The following HDAC1 variants were observed in gnomAD, a reference collection of about 807,000 sequenced individuals.
HDAC1 encodes the protein protein deacetylase HDAC1.
HDAC1 carries 18 observed loss-of-function variants against 65.5 expected under a neutral mutation model. The ratio of observed to expected loss-of-function variants is 0.27; its 90% CI spans 0.19 to 0.41. The LOEUF is 0.41. Ranked by LOEUF, HDAC1 falls within the 10% of genes least tolerant of loss-of-function variation. The probability of loss-of-function intolerance (pLI) is 1.00; values close to 1 mark genes in which losing one functional copy is unlikely to be tolerated. For missense variants in HDAC1, 373 were observed against 625.2 expected (o/e 0.60, Z 4.30); for synonymous variants, 211 against 227.9 (o/e 0.93, Z 0.67).
intron 1 of HDAC1, 140 bp from the exon 2 acceptor site, chr1:32,302,481 T>A: frequency 1.7e-5 from 8 of 472,636 alleles, no homozygotes; most frequent in East Asian, 3.7e-5. Flanking sequence ...GGAGTTACCC[T>A]TCAAAAGGTG....
intron 3 of HDAC1, among the ~76,000 whole-genome samples, chr1:32,317,471 A>C (rs1641079957): frequency 6.6e-6 from 1 of 152,220 alleles, no homozygotes; most frequent in African/African-American, 2.4e-5. Flanking sequence ...CATATAGTAT[A>C]ACAGCACTGT....
chr1:32,311,325 G>A (rs889292981), intron 2 of HDAC1, among the ~76,000 whole-genome samples: 2 of 152,008 alleles, frequency 1.3e-5, no homozygotes, highest in Admixed American at 6.6e-5. Context: ...AAAATTAGCC[G>A]GGCGTGGTCG....
chr1:32,328,792 A>C (rs1052712842), intron 6 of HDAC1, among the ~76,000 whole-genome samples: 1 of 152,170 alleles, frequency 6.6e-6, no homozygotes, highest in African/African-American at 2.4e-5. Flanking sequence ...CAAGGTAGAA[A>C]TCTTGTGCTA....
chr1:32,331,733 G>T lies in HDAC1; in HGVS notation c.1146G>T (p.Gln382His). 1 of 1,614,146 alleles carries T rather than the reference G, an allele frequency of 6.2e-7. No homozygotes were observed. The highest frequency in any genetic ancestry group is 8.5e-7 in the Non-Finnish European group (1 of 1,180,010). Residue 382 changes from glutamine (Q) to histidine (H), a missense_variant, in exon 11 of 14, where the codon CAG (glutamine) becomes CAT (histidine). Around this residue, in one of 4 missense-constraint regions of HDAC1, gnomAD observed 126 missense variants for 126.2 expected, o/e 1.00. Transcript: ENST00000373548. This position sits in a 1 kb window ranked among gnomAD's most constrained non-coding sequence, Gnocchi z 4.2. The stretch of plus-strand genomic sequence containing the variant: ...CGCACGCACCTGGGGTCCAAATGCA[G>T]GCGATTCCTGAGGACGCCATCCCTG... ...MLPHAPGVQM[Q>H]AIPEDAIPEE...
chr1:32,326,670 TAC>T (rs199894032), intron 4 of HDAC1, among the ~76,000 whole-genome samples: 1 of 151,518 alleles, frequency 6.6e-6, no homozygotes, highest in East Asian at 1.9e-4. Context: ...TATATATATA[TAC>T]ACACACACAC....
chr1:32,299,290 G>A (rs1391549696), intron 1 of HDAC1, among the ~76,000 whole-genome samples: 2 of 151,816 alleles, frequency 1.3e-5, no homozygotes, highest in Non-Finnish European at 2.9e-5. Context: ...GTTAAGAAAA[G>A]GATGGTTGGC....
In HDAC1 at chr1:32,333,160, T is replaced by C. The variant is rs1570045317; in HGVS notation, c.*116T>C. On this transcript the variant is annotated 3_prime_UTR_variant, in exon 14 of 14. Coordinates refer to ENST00000373548, the MANE Select transcript of HDAC1 (RefSeq NM_004964.3). ...TATATAAAAATTTATTAAATATAAA[T>C]ATCCCCAGGGACAGAAACCAAGGCC... 1 of 892,800 alleles carries C rather than the reference T, an allele frequency of 1.1e-6. No individual in the cohort carries two copies. Among genetic ancestry groups the C allele is most frequent in the Admixed American group, 2.7e-5 (1 of 37,002 alleles). 55.3% of individuals were successfully genotyped at this position (892,800 alleles called of 1,614,324 possible).
chr1:32,303,519 C>T (rs1335480391), intron 2 of HDAC1, among the ~76,000 whole-genome samples: 1 of 151,938 alleles, frequency 6.6e-6, no homozygotes, highest in Non-Finnish European at 1.5e-5. Context: ...TGATTGGGAC[C>T]ATGTTGAAGC....
chr1:32,311,313 C>G (rs932430772), intron 2 of HDAC1, among the ~76,000 whole-genome samples: 1 of 152,028 alleles, frequency 6.6e-6, no homozygotes, highest in South Asian at 2.1e-4. Context: ...ACTAAAAATA[C>G]AAAAATTAGC....
In HDAC1 at chr1:32,294,777, G is replaced by A. The variant is rs1640745597; in HGVS notation, c.49+2559G>A. ...GATCCGCCCGCCTCGGCCTCCCAAA[G>A]TGCTGGGATTACAGGTGTGAGCCAC... is the stretch of plus-strand genomic sequence containing the variant. On this transcript the variant is annotated intron_variant, in intron 1 of 13. Coordinates refer to ENST00000373548, the MANE Select transcript of HDAC1 (RefSeq NM_004964.3). Among the ~76,000 whole-genome samples, 4 of 151,396 alleles carry A rather than the reference G, an allele frequency of 2.6e-5. No homozygotes were observed. In the South Asian group the frequency reaches 8.3e-4, roughly 31 times the overall value.
At chr1:32,314,695 G>A (rs35577659) in intron 2 of HDAC1, among the ~76,000 whole-genome samples, 5 of 151,892 alleles carry the variant, frequency 3.3e-5, no homozygotes, top group African/African-American at 4.8e-5. Context: ...GTGTGATGGC[G>A]GGCGCCTGTA....
At chr1:32,302,755 C>A in intron 2 of HDAC1, 22 bp downstream of exon 2, 2 of 1,063,390 alleles carry the variant, frequency 1.9e-6, no homozygotes, top group South Asian at 1.2e-5. Flanking sequence ...GAGGTGCTAC[C>A]GCTCCCTAAC....
At chr1:32,304,679 C>A (rs747381929) in intron 2 of HDAC1, among the ~76,000 whole-genome samples, 7 of 152,104 alleles carry the variant, frequency 4.6e-5, no homozygotes, top group Non-Finnish European at 8.8e-5. Context: ...AAGTGATTCT[C>A]CAGCCTCAGC....
chr1:32,318,532 C>T (rs1050409597), intron 3 of HDAC1, among the ~76,000 whole-genome samples: 5 of 151,322 alleles, frequency 3.3e-5, no homozygotes, highest in African/African-American at 1.2e-4. Flanking sequence ...TACTGCACTC[C>T]AGCCTGGGCA....
chr1:32,326,583 G>A (rs1641220559), intron 4 of HDAC1, among the ~76,000 whole-genome samples: 1 of 151,950 alleles, frequency 6.6e-6, no homozygotes, highest in African/African-American at 2.4e-5. Flanking sequence ...TCACTCTGAA[G>A]CCAGAGTTTT....
intron 1 of HDAC1, among the ~76,000 whole-genome samples, chr1:32,296,115 G>A (rs1163966012): frequency 2.0e-5 from 3 of 152,120 alleles, no homozygotes; most frequent in Non-Finnish European, 2.9e-5. Flanking sequence ...GAAAGGGGCC[G>A]TGCCTTGTCT....
At position 32,331,324 on chromosome 1, in the gene HDAC1, T is replaced by C; in HGVS notation, c.980-150T>C. Reference sequence around the variant, plus strand: ...GTTAAAAAGATGGAAATCCCATAGGTACCCGTGTCTCACAGTGTCTTGGAG... The same window carrying C: ...GTTAAAAAGATGGAAATCCCATAGGCACCCGTGTCTCACAGTGTCTTGGAG... On this transcript the variant is annotated intron_variant, in intron 9 of 13. Transcript: ENST00000373548. This position sits in a 1 kb window ranked among gnomAD's most constrained non-coding sequence, Gnocchi z 4.2. 1.6e-6 allele frequency: 1 copy of C among 629,712 alleles called. No homozygotes were observed. The highest frequency in any genetic ancestry group is 2.9e-6 in the Non-Finnish European group (1 of 345,566). 39.0% of individuals were successfully genotyped at this position (629,712 alleles called of 1,614,324 possible). A position where few individuals can be genotyped will look rare whatever the true frequency, so the allele number is the denominator to read the frequency against.
At chr1:32,303,300 A>G (rs117204124) in intron 2 of HDAC1, among the ~76,000 whole-genome samples, 1,965 of 152,118 alleles carry the variant, frequency 0.013, 123 homozygotes, top group Admixed American at 0.097. Flanking sequence ...CCTCATCTCT[A>G]CAAAAAATTA....
chr1:32,325,246 T>G (rs1641201947), intron 4 of HDAC1, among the ~76,000 whole-genome samples: 2 of 152,260 alleles, frequency 1.3e-5, no homozygotes, highest in Admixed American at 1.3e-4. Flanking sequence ...ATACTCCTCA[T>G]GTATCTCCCA....
Sources: allele counts gnomAD v4.1 joint callset (sites outside exome capture counted in the v4.1 genomes callset), GRCh38; gene constraint gnomAD v4.1.1; regional missense constraint gnomAD v4.1.1; non-coding constraint Gnocchi (gnomAD v3.1); transcripts MANE v1.5; gene names NCBI Gene and HGNC (gene_info 2026-07-23, HGNC 2026-07-21).